The following MED14 variants were observed in gnomAD, a reference collection of about 807,000 sequenced individuals.
MED14 encodes mediator complex subunit 14.
Under a neutral mutation model 109.0 loss-of-function variants are expected in MED14, and 8 were observed. The ratio of observed to expected loss-of-function variants is 0.07; its 90% confidence interval spans 0.04 to 0.13. The LOEUF is 0.13. Among genes scored for constraint, MED14 ranks in the 10% least tolerant of loss-of-function variants. The probability of loss-of-function intolerance (pLI) is 1.00; values close to 1 mark genes in which losing one functional copy is unlikely to be tolerated. For synonymous variants in MED14, 399 were observed against 408.7 expected, an observed-to-expected ratio of 0.98 and a Z score of 0.29; for missense variants, 711 against 1,142.4, an observed-to-expected ratio of 0.62 and a Z score of 5.44.
intron 10 of MED14, among the ~76,000 whole-genome samples, chrX:40,706,730 G>A (rs1414492487): frequency 6.3e-5 from 7 of 111,620 alleles, no homozygotes; most frequent in Non-Finnish European, 1.3e-4. Flanking sequence ...CGTATGCTTT[G>A]AGTTTATTTT....
chrX:40,721,069 T>C (rs1931699166), intron 3 of MED14, among the ~76,000 whole-genome samples: 1 of 111,100 alleles, frequency 9.0e-6, no homozygotes. Flanking sequence ...CATTCCGAGC[T>C]GTGGTGGCTA....
intron 26 of MED14, among the ~76,000 whole-genome samples, chrX:40,661,556 CAAT>C (rs758686606): frequency 8.9e-6 from 1 of 112,422 alleles, no homozygotes; most frequent in African/African-American, 3.2e-5. Context: ...ATGCATCTAC[CAAT>C]AATAACAGTA....
chrX:40,703,305 T>C (rs1446225932), intron 11 of MED14, 139 bp downstream of exon 11: 3 of 463,222 alleles, frequency 6.5e-6, no homozygotes, highest in Non-Finnish European at 1.0e-5. Flanking sequence ...CTGACATCAG[T>C]CAGAGTTATG....
chrX:40,673,034 G>A (rs1427370168), intron 22 of MED14, among the ~76,000 whole-genome samples: 3 of 112,154 alleles, frequency 2.7e-5, no homozygotes, highest in Non-Finnish European at 5.6e-5. Flanking sequence ...CTAACATCAA[G>A]TAAAATGTAC....
chrX:40,694,822 T>G, intron 13 of MED14, among the ~76,000 whole-genome samples: 1 of 112,367 alleles, frequency 8.9e-6, no homozygotes, highest in African/African-American at 3.2e-5. Context: ...ACATTTACCA[T>G]ATGACCCAAT....
Position 40,713,022 on chromosome X carries a change from G to A in MED14, c.673C>T (p.Arg225Cys), listed in dbSNP as rs758523518. Reference sequence around the variant, plus strand: ...GTGGCTTCAAATTCTCCTTCAACACGAAACTTCACCCGGCCATTTGCTTTT... The same window carrying A: ...GTGGCTTCAAATTCTCCTTCAACACAAAACTTCACCCGGCCATTTGCTTTT... ...LTVANGRVKF[R>C]VEGEFEATLT... is the part of the protein sequence containing the mutation. The change falls in exon 6 of 31, where the codon CGT becomes TGT. Residue 225 changes from arginine (R) to cysteine (C), a missense_variant. Physicochemically the swap from Arg to Cys is radical, Grantham distance 180. Coordinates refer to ENST00000324817, the MANE Select transcript of MED14 (RefSeq NM_004229.4). 6.0e-6 allele frequency: 7 copies of A among 1,173,262 alleles called. No individual in the cohort carries two copies. Among genetic ancestry groups the A allele is most frequent in the South Asian group, 2.0e-5 (1 of 49,782 alleles).
chrX:40,735,324 G>A lies in MED14; in HGVS notation c.89C>T (p.Pro30Leu). The change falls in exon 1 of 31, where the codon CCT becomes CTT. Residue 30 changes from proline to leucine, a missense_variant. Physicochemically the swap from Pro to Leu is moderately conservative, Grantham distance 98. Around this residue, in one of 8 missense-constraint regions of MED14, gnomAD observed 62 missense variants for 55.2 expected, o/e 1.12. Coordinates refer to ENST00000324817, the MANE Select transcript of MED14 (RefSeq NM_004229.4). The part of the protein sequence containing the change: ...GSGGPPSAPA[P>L]PPPGAAVAAA... The stretch of plus-strand genomic sequence containing the variant: ...CGCCACGGCGGCTCCCGGGGGAGGA[G>A]GGGCTGGGGCTGACGGGGGTCCGCC... 2 of 1,100,664 alleles carry A rather than the reference G, an allele frequency of 1.8e-6. No homozygotes were observed. The highest frequency in any genetic ancestry group is 2.4e-6 in the Non-Finnish European group (2 of 840,898). The allele number at this position is 1,100,664 out of a possible 1,213,427, so 90.7% of individuals were successfully genotyped here.
At chrX:40,672,499 T>C (rs1929764346) in intron 22 of MED14, among the ~76,000 whole-genome samples, 1 of 112,359 alleles carries the variant, frequency 8.9e-6, no homozygotes, top group African/African-American at 3.2e-5. Flanking sequence ...TATCACAAGG[T>C]AGTTGTAACA....
rs781661617 is a variant in MED14, at chrX:40,709,984, T to C, written c.1168A>G (p.Met390Val). The change falls in exon 9 of 31, where the codon ATG becomes GTG. Residue 390 changes from methionine to valine, a missense_variant. Around this residue, in one of 8 missense-constraint regions of MED14, gnomAD observed 388 missense variants for 517.3 expected, o/e 0.75. Coordinates refer to ENST00000324817, the MANE Select transcript of MED14 (RefSeq NM_004229.4). ...AATATATTGAGATCTTTTACCTTCATGGCTCTTTCTACTAATTTGGAATCA... is the reference window on the plus strand; with the variant it reads ...AATATATTGAGATCTTTTACCTTCACGGCTCTTTCTACTAATTTGGAATCA... ...ASDSKLVERAMKIDHLSIEKL... is the reference protein window; with the variant it reads ...ASDSKLVERAVKIDHLSIEKL... 2 of 1,173,080 alleles carry C rather than the reference T, an allele frequency of 1.7e-6. No homozygotes were observed. The highest frequency in any genetic ancestry group is 3.8e-5 in the South Asian group (2 of 52,196).
chrX:40,704,308 T>C (rs1387399320), intron 10 of MED14, among the ~76,000 whole-genome samples: 2 of 111,860 alleles, frequency 1.8e-5, no homozygotes, highest in Non-Finnish European at 3.8e-5. Context: ...TAAGTGCTGA[T>C]CAGATTGAGG....
intron 11 of MED14, 88 bp from the exon 12 acceptor site, chrX:40,701,331 A>G (rs1930929366): frequency 1.7e-6 from 1 of 585,243 alleles, no homozygotes; most frequent in Non-Finnish European, 2.6e-6. Context: ...AAACAAATGA[A>G]AATTATTGTT....
At chrX:40,708,812 T>G (rs939319494) in intron 10 of MED14, among the ~76,000 whole-genome samples, 10 of 111,859 alleles carry the variant, frequency 8.9e-5, no homozygotes, top group African/African-American at 2.3e-4. Context: ...TTTTTAAAAA[T>G]TTTTTAAAAA....
Position 40,659,213 on chromosome X carries a change from T to C in MED14, c.3972+14A>G. ...AAACAAACCTTGCTAGAAATGTATA[T>C]CTCTGTGACTTACCAGCTCCAGCTT... On this transcript the variant is annotated intron_variant, in intron 28 of 30. Coordinates refer to ENST00000324817, the MANE Select transcript of MED14 (RefSeq NM_004229.4). 1.8e-6 allele frequency: 2 copies of C among 1,107,735 alleles called. No individual in the cohort carries two copies. The highest frequency in any genetic ancestry group is 2.4e-6 in the Non-Finnish European group (2 of 828,274). 91.3% of individuals were successfully genotyped at this position (1,107,735 alleles called of 1,213,427 possible).
At chrX:40,662,187 GC>G (rs1470542902) in intron 26 of MED14, among the ~76,000 whole-genome samples, 1 of 111,369 alleles carries the variant, frequency 9.0e-6, no homozygotes, top group Non-Finnish European at 1.9e-5. Flanking sequence ...TTAAAAAGAA[GC>G]TTTTGTCCTT....
intron 29 of MED14, 96 bp downstream of exon 29, chrX:40,654,837 CAA>C (rs1929000514): frequency 5.8e-6 from 6 of 1,037,637 alleles, no homozygotes; most frequent in African/African-American, 1.9e-5. Flanking sequence ...TATTTGGCAA[CAA>C]GAGATAATTT....
chrX:40,717,734 G>A (rs1931585005), intron 3 of MED14, among the ~76,000 whole-genome samples: 2 of 111,424 alleles, frequency 1.8e-5, no homozygotes, highest in Admixed American at 9.5e-5. Context: ...TGCTGGCCAG[G>A]CTAGTCTCGA....
chrX:40,658,355 G>T (rs749394998), intron 28 of MED14, among the ~76,000 whole-genome samples: 4 of 111,325 alleles, frequency 3.6e-5, no homozygotes, highest in Non-Finnish European at 7.5e-5. Flanking sequence ...GCCCCCCAAA[G>T]TACTAGGATT....
chrX:40,712,164 G>A (rs769900440), intron 7 of MED14, 22 bp downstream of exon 7: 5 of 1,092,229 alleles, frequency 4.6e-6, no homozygotes, highest in Non-Finnish European at 6.2e-6. Flanking sequence ...ACAAATATAT[G>A]TCTCAAATTT....
chrX:40,662,265 C>T (rs905388930), intron 26 of MED14, among the ~76,000 whole-genome samples: 4 of 111,391 alleles, frequency 3.6e-5, no homozygotes, highest in African/African-American at 1.3e-4. Context: ...GGGTCTCACT[C>T]GATCACCCAG....
Sources: allele counts gnomAD v4.1 joint callset (sites outside exome capture counted in the v4.1 genomes callset), GRCh38; gene constraint gnomAD v4.1.1; regional missense constraint gnomAD v4.1.1; transcripts MANE v1.5; gene names NCBI Gene and HGNC (gene_info 2026-07-23, HGNC 2026-07-21).